Variants in NRXN3 observed in about 807,000 individuals in gnomAD.
The protein encoded by NRXN3 is neurexin III.
In NRXN3, 32 loss-of-function variants were observed where a neutral mutation model predicts 137.6. The ratio of observed to expected loss-of-function variants is 0.23; its 90% CI spans 0.18 to 0.31. The LOEUF is 0.31. Among genes scored for constraint, NRXN3 ranks in the 10% least tolerant of loss-of-function variants. NRXN3 has a pLI of 1.00. For missense variants in NRXN3, 1,574 were observed against 2,062.5 expected (o/e 0.76, Z 4.59); for synonymous variants, 798 against 784.5 (o/e 1.02, Z -0.29).
intron 6 of NRXN3, among the ~76,000 whole-genome samples, chr14:78,689,639 A>G (rs1428599993): frequency 3.9e-5 from 6 of 152,206 alleles, no homozygotes; most frequent in African/African-American, 1.4e-4. Flanking sequence ...TAATAAACAT[A>G]TGTAGATAAA....
chr14:78,795,802 A>T, intron 8 of NRXN3, among the ~76,000 whole-genome samples: 1 of 152,252 alleles, frequency 6.6e-6, no homozygotes, highest in East Asian at 1.9e-4. Context: ...CACACACAAA[A>T]GAAGCTAAGA....
chr14:79,739,299 C>T lies in NRXN3; in HGVS notation c.4014+41362C>T, dbSNP rs2098952439. Among the ~76,000 whole-genome samples the T allele has an allele frequency of 1.3e-5, 2 of 152,002 alleles. 1 individual carries two copies. Among genetic ancestry groups the T allele is most frequent in the South Asian group, 4.1e-4 (2 of 4,820 alleles). On this transcript the variant is annotated intron_variant, in intron 19 of 20. Transcript: ENST00000335750. ...AGAATATAAAAGTGAATTTGGGGAC[C>T]TGAGAAAGTCAAGAAAATGATTGGA...
intron 16 of NRXN3, among the ~76,000 whole-genome samples, chr14:79,542,600 A>G (rs1266660102): frequency 2.0e-5 from 3 of 152,166 alleles, no homozygotes; most frequent in Non-Finnish European, 4.4e-5. Flanking sequence ...CCCCACAAGC[A>G]TCCTTGTGAA....
At chr14:78,820,223 G>A (rs2098946628) in intron 10 of NRXN3, among the ~76,000 whole-genome samples, 1 of 148,662 alleles carries the variant, frequency 6.7e-6, no homozygotes, top group Non-Finnish European at 1.5e-5. Context: ...TAAATTATAT[G>A]TATAAAGTAC....
chr14:78,631,387 T>C (rs1020778028), intron 4 of NRXN3, among the ~76,000 whole-genome samples: 7 of 152,204 alleles, frequency 4.6e-5, no homozygotes, highest in African/African-American at 1.4e-4. Context: ...TGTACAAATA[T>C]CACAACTTCT....
chr14:79,533,450 G>A (rs545835602), intron 16 of NRXN3, among the ~76,000 whole-genome samples: 23 of 152,138 alleles, frequency 1.5e-4, no homozygotes, highest in Admixed American at 9.8e-4. Context: ...ATGTACAAGA[G>A]GTGTGATTTG....
chr14:78,540,468 G>T (rs1299771621), intron 4 of NRXN3, among the ~76,000 whole-genome samples: 4 of 115,740 alleles, frequency 3.5e-5, no homozygotes, highest in Admixed American at 1.1e-4. Flanking sequence ...CCATTTGCTT[G>T]GTAGATCTTC....
intron 10 of NRXN3, among the ~76,000 whole-genome samples, chr14:78,889,663 G>T (rs2099153536): frequency 6.6e-6 from 1 of 151,958 alleles, no homozygotes; most frequent in South Asian, 2.1e-4. Flanking sequence ...TGAGTACCTG[G>T]TAGAATCATT....
At chr14:79,128,879 T>C (rs1320741227) in intron 15 of NRXN3, among the ~76,000 whole-genome samples, 2 of 151,966 alleles carry the variant, frequency 1.3e-5, no homozygotes, top group Non-Finnish European at 2.9e-5. Context: ...TATTCAGAGA[T>C]TCAACTTCTT....
intron 10 of NRXN3, among the ~76,000 whole-genome samples, chr14:78,865,985 G>A (rs1300495363): frequency 6.6e-6 from 1 of 151,960 alleles, no homozygotes; most frequent in Non-Finnish European, 1.5e-5. Context: ...TCAGAATCAG[G>A]GAAGAAAAAA....
chr14:78,753,032 C>T (rs1336403538), intron 8 of NRXN3, among the ~76,000 whole-genome samples: 1 of 152,210 alleles, frequency 6.6e-6, no homozygotes, highest in African/African-American at 2.4e-5. Flanking sequence ...ATTCCACCGA[C>T]TCTGCCCTTA....
chr14:78,959,342 C>T (rs181758610), intron 11 of NRXN3, among the ~76,000 whole-genome samples: 13 of 152,234 alleles, frequency 8.5e-5, no homozygotes, highest in South Asian at 4.2e-4. Flanking sequence ...ACTTTGAGAG[C>T]GTTGTATAAT....
intron 4 of NRXN3, among the ~76,000 whole-genome samples, chr14:78,577,425 C>T (rs2096947672): frequency 6.6e-6 from 1 of 152,072 alleles, no homozygotes; most frequent in African/African-American, 2.4e-5. Context: ...AAGGCATTGC[C>T]ATTGTTAATA....
At chr14:79,795,021 T>C (rs1237567581) in intron 19 of NRXN3, among the ~76,000 whole-genome samples, 1 of 152,224 alleles carries the variant, frequency 6.6e-6, no homozygotes, top group Admixed American at 6.5e-5. Context: ...AAAGGGTCTT[T>C]GTGAGCAAAA....
In NRXN3 at chr14:79,588,633, A is replaced by C. The variant is rs1042877449; in HGVS notation, c.3445-75145A>C. Reference sequence around the variant, plus strand: ...AAAGTTGACAGCCCTGATTCAGAAGACCACAGGGAGCTGAGATGTTGATTA... The same window carrying C: ...AAAGTTGACAGCCCTGATTCAGAAGCCCACAGGGAGCTGAGATGTTGATTA... On this transcript the variant is annotated intron_variant, in intron 16 of 20. Coordinates refer to ENST00000335750, the MANE Select transcript of NRXN3 (RefSeq NM_001330195.2). 5.9e-5 allele frequency among the ~76,000 whole-genome samples: 9 copies of C among 152,334 alleles called. No individual in the cohort carries two copies. The South Asian group carries it at 1.9e-3, about 32-fold the overall frequency.
chr14:78,665,960 G>A (rs370373453), intron 6 of NRXN3, among the ~76,000 whole-genome samples: 15 of 151,862 alleles, frequency 9.9e-5, no homozygotes, highest in African/African-American at 3.4e-4. Flanking sequence ...CTTTATCCTC[G>A]AAAGTGAGGT....
intron 4 of NRXN3, among the ~76,000 whole-genome samples, chr14:78,348,660 G>A (rs1021527415): frequency 3.3e-5 from 5 of 152,210 alleles, no homozygotes; most frequent in African/African-American, 1.2e-4. Context: ...CGGACCAACA[G>A]CATCTGTATC....
intron 15 of NRXN3, among the ~76,000 whole-genome samples, chr14:79,132,407 T>C (rs1197673025): frequency 1.3e-5 from 2 of 152,220 alleles, no homozygotes; most frequent in African/African-American, 4.8e-5. Context: ...GAAGACTTCA[T>C]ATGGGAAATA....
Position 78,957,360 on chromosome 14 carries a change from G to C in NRXN3, c.2394G>C (p.Glu798Asp). 6.2e-7 allele frequency: 1 copy of C among 1,613,034 alleles called. No homozygotes were observed. The highest frequency in any genetic ancestry group is 8.5e-7 in the Non-Finnish European group (1 of 1,179,834). ...LKLTVDDDVA[E>D]GTMVGDHTRL... is the part of the protein sequence containing the mutation. ...TAACCGTGGATGATGATGTGGCTGA[G>C]GGTGAGTATGACTATGGTGAAATTC... The change falls in exon 11 of 21, where the codon GAG becomes GAC. Residue 798 changes from glutamate (E) to aspartate (D), a missense_variant and splice_region_variant. Physicochemically the swap from Glu to Asp is conservative, Grantham distance 45. Around this residue, in one of 5 missense-constraint regions of NRXN3, gnomAD observed 718 missense variants for 887.6 expected, o/e 0.81. Coordinates refer to ENST00000335750, the MANE Select transcript of NRXN3 (RefSeq NM_001330195.2).
Sources: allele counts gnomAD v4.1 joint callset (sites outside exome capture counted in the v4.1 genomes callset), GRCh38; gene constraint gnomAD v4.1.1; regional missense constraint gnomAD v4.1.1; transcripts MANE v1.5; gene names NCBI Gene and HGNC (gene_info 2026-07-23, HGNC 2026-07-21).